Variants in ZNF618 observed in about 807,000 individuals in gnomAD.
ZNF618 encodes the protein neural precursor cell expressed, developmentally down-regulated 10.
In ZNF618, 34 loss-of-function variants were observed where a neutral mutation model predicts 103.0. That is an observed-to-expected ratio of 0.33 (90% confidence interval 0.25 to 0.44). ZNF618 has a LOEUF of 0.44. Ranked by LOEUF, ZNF618 falls within the 20% of genes least tolerant of loss-of-function variation. The probability of loss-of-function intolerance (pLI) is 1.00; values close to 1 mark genes in which losing one functional copy is unlikely to be tolerated. For synonymous variants in ZNF618, 551 were observed against 542.2 expected, an observed-to-expected ratio of 1.02 and a Z score of -0.23; for missense variants, 1,059 against 1,295.4, an observed-to-expected ratio of 0.82 and a Z score of 2.80.
intron 1 of ZNF618, among the ~76,000 whole-genome samples, chr9:113,925,747 T>G (rs1262501100): frequency 6.6e-6 from 1 of 152,124 alleles, no homozygotes; most frequent in African/African-American, 2.4e-5. Context: ...AGTAACACTT[T>G]GACGCTTCAT....
At chr9:113,963,784 C>G (rs1450548530) in intron 1 of ZNF618, among the ~76,000 whole-genome samples, 4 of 152,080 alleles carry the variant, frequency 2.6e-5, no homozygotes, top group Admixed American at 2.6e-4. Context: ...GAGTATTTGC[C>G]CTGTGCCAGG....
chr9:114,038,955 C>A (rs1485239016), intron 13 of ZNF618, among the ~76,000 whole-genome samples: 2 of 152,224 alleles, frequency 1.3e-5, no homozygotes, highest in Admixed American at 6.5e-5. Context: ...TTATTTAATT[C>A]TCGGAACAAC....
intron 1 of ZNF618, among the ~76,000 whole-genome samples, chr9:113,909,167 G>T (rs1391236326): frequency 6.6e-6 from 1 of 152,004 alleles, no homozygotes; most frequent in Non-Finnish European, 1.5e-5. Flanking sequence ...TTTGGAAAAG[G>T]AATGGGTTGG....
intron 12 of ZNF618, among the ~76,000 whole-genome samples, chr9:114,035,819 C>T (rs1380465521): frequency 1.3e-5 from 2 of 152,120 alleles, no homozygotes; most frequent in South Asian, 2.1e-4. Flanking sequence ...ACTTCTTACC[C>T]TTTTCCTTCT....
intron 2 of ZNF618, among the ~76,000 whole-genome samples, chr9:113,982,019 CATTT>C (rs940484525): frequency 6.8e-6 from 1 of 147,664 alleles, no homozygotes; most frequent in African/African-American, 2.4e-5. Flanking sequence ...GAGAGAGAGA[CATTT>C]GTTTGTTTCT....
At chr9:113,887,542 G>A (rs1253725775) in intron 1 of ZNF618, among the ~76,000 whole-genome samples, 1 of 152,206 alleles carries the variant, frequency 6.6e-6, no homozygotes, top group Non-Finnish European at 1.5e-5. Flanking sequence ...ATTGGGGGCT[G>A]TGGACTTTGA....
At chr9:113,878,274 A>T (rs1300643181) in intron 1 of ZNF618, among the ~76,000 whole-genome samples, 3 of 152,124 alleles carry the variant, frequency 2.0e-5, no homozygotes, top group South Asian at 2.1e-4. Flanking sequence ...TCTGATTCTT[A>T]TCCATCTTCC....
At position 114,050,533 on chromosome 9, in the gene ZNF618, G is replaced by A. The variant is rs1588469011; in HGVS notation, c.*366G>A. 1.1e-5 allele frequency: 2 copies of A among 174,036 alleles called. No homozygotes were observed. Among genetic ancestry groups the A allele is most frequent in the Middle Eastern group, 4.6e-3 (2 of 432 alleles). 10.8% of individuals were successfully genotyped at this position (174,036 alleles called of 1,614,324 possible). A position where few individuals can be genotyped will look rare whatever the true frequency, so the allele number is the denominator to read the frequency against. On this transcript the variant is annotated 3_prime_UTR_variant, in exon 15 of 15. Coordinates refer to ENST00000374126, the MANE Select transcript of ZNF618 (RefSeq NM_001318042.2). The stretch of plus-strand genomic sequence containing the variant: ...GACGGGTGTGCATTGAACTGGGCGT[G>A]TCAGGAAAGCTGAGCGATTGGGAAA...
At chr9:114,032,544 GC>G (rs1321192283) in intron 11 of ZNF618, 100 bp from the exon 12 acceptor site, 1 of 1,053,338 alleles carries the variant, frequency 9.5e-7, no homozygotes, top group African/African-American at 1.6e-5. Flanking sequence ...GAGCTAGTTG[GC>G]CCAGCAGAGT....
At position 113,912,993 on chromosome 9, in the gene ZNF618, C is replaced by G. The variant is rs527713522; in HGVS notation, c.33+36580C>G. 1.4e-4 allele frequency among the ~76,000 whole-genome samples: 21 copies of G among 152,286 alleles called. No individual in the cohort carries two copies. In the South Asian group the frequency reaches 1.4e-3, roughly 11 times the overall value. On this transcript the variant is annotated intron_variant, in intron 1 of 14. Coordinates refer to ENST00000374126, the MANE Select transcript of ZNF618 (RefSeq NM_001318042.2). Reference sequence around the variant, plus strand: ...TTACTCCAGACATTCTGCTTGGTCTCTGCTCTTCCTTCACAGCAAGTTCAT... The same window carrying G: ...TTACTCCAGACATTCTGCTTGGTCTGTGCTCTTCCTTCACAGCAAGTTCAT...
chr9:113,935,141 C>T (rs1270330266), intron 1 of ZNF618, among the ~76,000 whole-genome samples: 1 of 152,164 alleles, frequency 6.6e-6, no homozygotes, highest in East Asian at 1.9e-4. Context: ...CGACGAGGGT[C>T]CCCTAACCTG....
rs1201584961 is a variant in ZNF618, at chr9:114,035,355, G to A, written c.1169-945G>A. ...GAGATGGGCCTTGGGCTGCCCTCCC[G>A]GGCAGACCCGGCAGCTGGTGGAGGC... On this transcript the variant is annotated intron_variant, in intron 12 of 14. Coordinates refer to ENST00000374126, the MANE Select transcript of ZNF618 (RefSeq NM_001318042.2). The A allele has an allele frequency of 1.7e-5, 11 of 657,776 alleles. No homozygotes were observed. In the South Asian group the frequency reaches 2.0e-4, roughly 12 times the overall value. 40.7% of individuals were successfully genotyped at this position (657,776 alleles called of 1,614,324 possible). A position where few individuals can be genotyped will look rare whatever the true frequency, so the allele number is the denominator to read the frequency against.
rs770292049 is a variant in ZNF618, at chr9:113,988,492, G to C, written c.249G>C (p.Glu83Asp). ...EVIWQGEAKE[E>D]KKAVSKDGTS... ...TCTGGCAGGGCGAGGCCAAGGAGGA[G>C]AAGAAGGCGGTCAGCAAGGATGGGA... is the stretch of plus-strand genomic sequence containing the variant. The change falls in exon 3 of 15, where the codon GAG becomes GAC. Residue 83 changes from glutamate to aspartate, a missense_variant. Physicochemically the swap from Glu to Asp is conservative, Grantham distance 45. Coordinates refer to ENST00000374126, the MANE Select transcript of ZNF618 (RefSeq NM_001318042.2). 6.2e-7 allele frequency: 1 copy of C among 1,613,424 alleles called. No individual in the cohort carries two copies.
At chr9:113,876,699 A>G (rs1827974658) in intron 1 of ZNF618, among the ~76,000 whole-genome samples, 1 of 151,890 alleles carries the variant, frequency 6.6e-6, no homozygotes, top group African/African-American at 2.4e-5. Context: ...GCGGCGAGAG[A>G]ACAGAGCAGC....
At chr9:114,011,702 C>T (rs1283021919) in intron 9 of ZNF618, among the ~76,000 whole-genome samples, 17 of 152,128 alleles carry the variant, frequency 1.1e-4, no homozygotes, top group Admixed American at 1.1e-3. Flanking sequence ...GAAGAAACAC[C>T]CTGGCAGGAG....
chr9:113,919,351 G>A (rs1392776113), intron 1 of ZNF618, among the ~76,000 whole-genome samples: 4 of 152,200 alleles, frequency 2.6e-5, no homozygotes, highest in Non-Finnish European at 1.5e-5. Flanking sequence ...GCAGTCTCCC[G>A]AGATGCACAG....
intron 1 of ZNF618, among the ~76,000 whole-genome samples, chr9:113,943,289 G>A (rs1480760169): frequency 6.6e-6 from 1 of 152,202 alleles, no homozygotes; most frequent in Non-Finnish European, 1.5e-5. Flanking sequence ...CAAGCCAGAG[G>A]GTCAGGAAAG....
intron 2 of ZNF618, among the ~76,000 whole-genome samples, chr9:113,976,184 A>G (rs1224977266): frequency 6.6e-6 from 1 of 152,180 alleles, no homozygotes; most frequent in Non-Finnish European, 1.5e-5. Flanking sequence ...GTTTGTGCCA[A>G]AGGGCACTTG....
At position 113,988,410 on chromosome 9, in the gene ZNF618, C is replaced by T. The variant is rs763096596; in HGVS notation, c.167C>T (p.Thr56Met). Reference protein sequence around the residue: ...AEASLSAEQGTMTEVKVKTEL... With the variant: ...AEASLSAEQGMMTEVKVKTEL... ...GCCTCGCTGAGTGCCGAGCAAGGAA[C>T]GATGACGGAGGTGAAGGTGAAGACA... The change falls in exon 3 of 15, where the codon ACG becomes ATG. Residue 56 changes from threonine (T) to methionine (M), a missense_variant. Thr to Met is a moderately conservative substitution (Grantham distance 81). Transcript: ENST00000374126. The T allele has an allele frequency of 2.5e-6, 4 of 1,613,542 alleles. No individual in the cohort carries two copies. Among genetic ancestry groups the T allele is most frequent in the East Asian group, 2.2e-5 (1 of 44,902 alleles).
Sources: allele counts gnomAD v4.1 joint callset (sites outside exome capture counted in the v4.1 genomes callset), GRCh38; gene constraint gnomAD v4.1.1; transcripts MANE v1.5; gene names NCBI Gene and HGNC (gene_info 2026-07-23, HGNC 2026-07-21).